Variants in PDZRN3 observed in about 807,000 individuals in gnomAD.
PDZRN3 encodes the protein PDZ domain containing ring finger 3.
PDZRN3 carries 38 observed loss-of-function variants against 85.7 expected under a neutral mutation model. That is an observed-to-expected ratio of 0.44 (90% confidence interval 0.34 to 0.58). PDZRN3 has a LOEUF of 0.58. PDZRN3 is among the 20% of genes least tolerant of loss of function. The pLI, the probability that PDZRN3 is intolerant of heterozygous loss-of-function variation, is 0.01. For synonymous variants in PDZRN3, 759 were observed against 638.0 expected, an observed-to-expected ratio of 1.19 and a Z score of -2.86; for missense variants, 1,629 against 1,506.4, an observed-to-expected ratio of 1.08 and a Z score of -1.35.
intron 3 of PDZRN3, among the ~76,000 whole-genome samples, chr3:73,522,625 A>C (rs1238797893): frequency 2.6e-5 from 4 of 152,212 alleles, no homozygotes; most frequent in African/African-American, 4.8e-5. Context: ...TGATAAATGG[A>C]ACTGCAATAA....
chr3:73,552,225 A>AGTGTGTGTGTGTGTGTGT (rs55784793), intron 3 of PDZRN3, among the ~76,000 whole-genome samples: 1 of 147,754 alleles, frequency 6.8e-6, no homozygotes, highest in African/African-American at 2.5e-5. Flanking sequence ...GAATTAAAGG[A>AGTGTGTGTGTGTGTGTGT]GTGTGTGTGT....
chr3:73,580,328 G>T (rs1702180614), intron 3 of PDZRN3, among the ~76,000 whole-genome samples: 1 of 152,174 alleles, frequency 6.6e-6, no homozygotes, highest in Non-Finnish European at 1.5e-5. Context: ...ACTTTCCTCA[G>T]ATCCTTATGG....
rs1702078430 is a variant in PDZRN3, at chr3:73,573,812, TATACATATACATATACA to T, written c.918+28525_918+28541del. Among the ~76,000 whole-genome samples, 5 of 12,910 alleles carry T rather than the reference TATACATATACATATACA, an allele frequency of 3.9e-4. No homozygotes were observed. The African/African-American group carries it at 4.9e-3, about 13-fold the overall frequency. 8.5% of individuals were successfully genotyped at this position (12,910 alleles called of 152,430 possible). On this transcript the variant is annotated intron_variant, in intron 3 of 9. Transcript: ENST00000263666. ...ATATACATATACATACACATACACC[TATACATATACATATACA>T]TATACATATACATATACATATACGG...
At chr3:73,440,041 T>C (rs1559680705) in intron 3 of PDZRN3, among the ~76,000 whole-genome samples, 1 of 145,570 alleles carries the variant, frequency 6.9e-6, no homozygotes, top group Non-Finnish European at 1.5e-5. Flanking sequence ...CCCAGACTCT[T>C]ATTTTTTTTT....
At chr3:73,612,474 C>T (rs1439925121) in intron 1 of PDZRN3, among the ~76,000 whole-genome samples, 2 of 152,134 alleles carry the variant, frequency 1.3e-5, no homozygotes, top group East Asian at 3.8e-4. Flanking sequence ...ATAATAATTG[C>T]AAAGATTAAG....
At chr3:73,523,011 TTTG>T (rs1032765323) in intron 3 of PDZRN3, among the ~76,000 whole-genome samples, 2 of 146,416 alleles carry the variant, frequency 1.4e-5, no homozygotes, top group Non-Finnish European at 3.1e-5. Flanking sequence ...AAGAGTTTTT[TTTG>T]TTTGTTTGTT....
At chr3:73,494,220 T>G (rs981445181) in intron 3 of PDZRN3, among the ~76,000 whole-genome samples, 5 of 152,238 alleles carry the variant, frequency 3.3e-5, no homozygotes, top group Non-Finnish European at 7.3e-5. Flanking sequence ...AAATTCATAC[T>G]GAGCCTTTCT....
chr3:73,398,943 G>A lies in PDZRN3; in HGVS notation c.1254+1979C>T, dbSNP rs906014379. 1.1e-4 allele frequency among the ~76,000 whole-genome samples: 17 copies of A among 152,142 alleles called. 1 individual carries two copies. The highest frequency in any genetic ancestry group is 4.1e-4 in the African/African-American group (17 of 41,434). ...CGAATTAAAGAGAAATAGAAAGCAC[G>A]TAAGAGTTCTGGTGATAGTCAGGTA... On this transcript the variant is annotated intron_variant, in intron 5 of 9. Coordinates refer to ENST00000263666, the MANE Select transcript of PDZRN3 (RefSeq NM_015009.3).
At chr3:73,593,707 T>TACACAC (rs201574221) in intron 3 of PDZRN3, among the ~76,000 whole-genome samples, 334 of 100,968 alleles carry the variant, frequency 3.3e-3, no homozygotes, top group South Asian at 0.013. Context: ...CCGAAATAAA[T>TACACAC]ATACACACAC....
intron 1 of PDZRN3, among the ~76,000 whole-genome samples, chr3:73,618,797 TA>T (rs1185754098): frequency 3.9e-4 from 60 of 152,258 alleles, no homozygotes; most frequent in Non-Finnish European, 6.2e-4. Context: ...AACATATTTG[TA>T]AAACAAATCC....
At chr3:73,492,983 C>CATTTTTTTTTTTTTT (rs1559707030) in intron 3 of PDZRN3, among the ~76,000 whole-genome samples, 1 of 29,368 alleles carries the variant, frequency 3.4e-5, no homozygotes, top group African/African-American at 6.0e-5. Flanking sequence ...GGCTTTTCAA[C>CATTTTTTTTTTTTTT]CTTTTTTTTT....
intron 3 of PDZRN3, among the ~76,000 whole-genome samples, chr3:73,441,529 GAGCT>G (rs529791329): frequency 7.2e-5 from 11 of 152,006 alleles, no homozygotes; most frequent in African/African-American, 2.7e-4. Context: ...ATCACAGACT[GAGCT>G]AAGAGTTCTT....
intron 1 of PDZRN3, among the ~76,000 whole-genome samples, chr3:73,610,638 A>G (rs777947923): frequency 1.3e-5 from 2 of 152,240 alleles, no homozygotes; most frequent in African/African-American, 2.4e-5. Context: ...GTTATCTTAC[A>G]TATCTTACAT....
intron 3 of PDZRN3, among the ~76,000 whole-genome samples, chr3:73,573,007 C>T (rs1702066701): frequency 6.6e-6 from 1 of 152,118 alleles, no homozygotes; most frequent in Non-Finnish European, 1.5e-5. Flanking sequence ...CCACAGTGTG[C>T]CGGAATTAAG....
At chr3:73,575,929 T>A (rs930865806) in intron 3 of PDZRN3, among the ~76,000 whole-genome samples, 9 of 152,044 alleles carry the variant, frequency 5.9e-5, no homozygotes, top group Admixed American at 3.3e-4. Context: ...AGTCACACAA[T>A]TTGGAAGTTC....
intron 3 of PDZRN3, among the ~76,000 whole-genome samples, chr3:73,469,480 C>T (rs1703290585): frequency 6.6e-6 from 1 of 152,178 alleles, no homozygotes; most frequent in African/African-American, 2.4e-5. Flanking sequence ...GCAAGGTATG[C>T]ATGCTCTTGG....
chr3:73,403,228 G>A (rs150835643), intron 4 of PDZRN3, among the ~76,000 whole-genome samples: 56 of 152,328 alleles, frequency 3.7e-4, no homozygotes, highest in African/African-American at 1.2e-3. Context: ...TTACAGGTGT[G>A]AGCCACCACG....
At chr3:73,417,498 C>T (rs1428286335) in intron 3 of PDZRN3, among the ~76,000 whole-genome samples, 1 of 152,166 alleles carries the variant, frequency 6.6e-6, no homozygotes, top group Non-Finnish European at 1.5e-5. Context: ...AGAATTAAAG[C>T]ACAAAAACTA....
At chr3:73,618,525 G>C (rs1702800877) in intron 1 of PDZRN3, among the ~76,000 whole-genome samples, 1 of 152,176 alleles carries the variant, frequency 6.6e-6, no homozygotes, top group East Asian at 1.9e-4. Flanking sequence ...ACATGGAGAA[G>C]ATAATGTATG....
Sources: allele counts gnomAD v4.1 joint callset (sites outside exome capture counted in the v4.1 genomes callset), GRCh38; gene constraint gnomAD v4.1.1; transcripts MANE v1.5; gene names NCBI Gene and HGNC (gene_info 2026-07-23, HGNC 2026-07-21).